The following HIP1 variants were observed in gnomAD, a reference collection of about 807,000 sequenced individuals.
HIP1 encodes the protein huntingtin-interacting protein 1.
In HIP1, 65 loss-of-function variants were observed where a neutral mutation model predicts 147.6. That is an observed-to-expected ratio of 0.44 (90% CI 0.36 to 0.54). HIP1 has a LOEUF of 0.54. Among genes scored for constraint, HIP1 ranks in the 20% least tolerant of loss-of-function variants. The probability of loss-of-function intolerance (pLI) is 0.00; values close to 1 mark genes in which losing one functional copy is unlikely to be tolerated. For synonymous variants in HIP1, 479 were observed against 504.0 expected, an observed-to-expected ratio of 0.95 and a Z score of 0.67; for missense variants, 1,061 against 1,299.6, an observed-to-expected ratio of 0.82 and a Z score of 2.82.
chr7:75,601,837 G>C (rs587610756), intron 1 of HIP1, among the ~76,000 whole-genome samples: 1 of 151,928 alleles, frequency 6.6e-6, no homozygotes, highest in Admixed American at 6.6e-5. Context: ...TAGGATATAT[G>C]TTTGGCCACA....
At chr7:75,539,571 T>TG in intron 29 of HIP1, 140 bp from the exon 30 acceptor site, 1 of 632,844 alleles carries the variant, frequency 1.6e-6, no homozygotes, top group East Asian at 2.8e-5. Context: ...CCTCCTGTCT[T>TG]GGCCTCCCAA....
chr7:75,533,715 A>G lies in HIP1; in HGVS notation c.*4457T>C, dbSNP rs782424740. On this transcript the variant is annotated 3_prime_UTR_variant, in exon 31 of 31. Coordinates refer to ENST00000336926, the MANE Select transcript of HIP1 (RefSeq NM_005338.7). ...TGGAAAAATCTACTCTCAGAATCGA[A>G]CCCAACAGCATTGAATTGTTTCCTG... 1 of 232,570 alleles carries G rather than the reference A, an allele frequency of 4.3e-6. No individual in the cohort carries two copies. Among genetic ancestry groups the G allele is most frequent in the Admixed American group, 5.6e-5 (1 of 17,750 alleles). 14.4% of individuals were successfully genotyped at this position (232,570 alleles called of 1,614,324 possible). A position where few individuals can be genotyped will look rare whatever the true frequency, so the allele number is the denominator to read the frequency against.
intron 1 of HIP1, among the ~76,000 whole-genome samples, chr7:75,697,446 T>C (rs1410872793): frequency 6.6e-6 from 1 of 152,112 alleles, no homozygotes; most frequent in East Asian, 1.9e-4. Context: ...AAATTAATAA[T>C]TTTTTAGTAA....
At chr7:75,658,439 C>T (rs369420886) in intron 1 of HIP1, among the ~76,000 whole-genome samples, 1 of 152,098 alleles carries the variant, frequency 6.6e-6, no homozygotes, top group African/African-American at 2.4e-5. Context: ...CAAATCTGCC[C>T]AGCTTCAGGA....
intron 1 of HIP1, among the ~76,000 whole-genome samples, chr7:75,650,766 T>C (rs1460492759): frequency 6.6e-6 from 1 of 152,112 alleles, no homozygotes; most frequent in African/African-American, 2.4e-5. Context: ...CCCAGAAGCA[T>C]GGACCAGGCT....
At chr7:75,662,740 A>AG (rs1554513843) in intron 1 of HIP1, among the ~76,000 whole-genome samples, 30 of 152,168 alleles carry the variant, frequency 2.0e-4, no homozygotes, top group African/African-American at 7.0e-4. Context: ...TCCTGACCTC[A>AG]AATGATCCAT....
At chr7:75,628,001 G>A (rs1251527267) in intron 1 of HIP1, among the ~76,000 whole-genome samples, 1 of 152,176 alleles carries the variant, frequency 6.6e-6, no homozygotes, top group African/African-American at 2.4e-5. Context: ...TGGCAGCCAA[G>A]GAAAATCCCC....
chr7:75,694,390 C>T (rs1418032761), intron 1 of HIP1, among the ~76,000 whole-genome samples: 5 of 152,136 alleles, frequency 3.3e-5, no homozygotes, highest in African/African-American at 1.2e-4. Context: ...AATGTTCTTG[C>T]ACAACTTCAT....
At chr7:75,618,224 T>C (rs1554506450) in intron 1 of HIP1, among the ~76,000 whole-genome samples, 1 of 151,452 alleles carries the variant, frequency 6.6e-6, no homozygotes, top group Admixed American at 6.6e-5. Context: ...CTCGGCTCAC[T>C]GCTACCTACC....
At chr7:75,673,820 C>CAAA (rs71098060) in intron 1 of HIP1, among the ~76,000 whole-genome samples, 2 of 104,352 alleles carry the variant, frequency 1.9e-5, no homozygotes, top group Non-Finnish European at 1.9e-5. Flanking sequence ...CCTATCTCTA[C>CAAA]AAAAAAAAAA....
intron 7 of HIP1, among the ~76,000 whole-genome samples, chr7:75,580,849 C>A (rs1554498449): frequency 6.6e-6 from 1 of 152,092 alleles, no homozygotes; most frequent in Non-Finnish European, 1.5e-5. Flanking sequence ...TCAAGCAATT[C>A]TCCTGCCTCA....
At chr7:75,614,939 A>T (rs1414396348) in intron 1 of HIP1, among the ~76,000 whole-genome samples, 1 of 151,762 alleles carries the variant, frequency 6.6e-6, no homozygotes, top group Non-Finnish European at 1.5e-5. Context: ...CGCCTGGCTA[A>T]TTTTTGTATT....
intron 27 of HIP1, 90 bp from the exon 28 acceptor site, chr7:75,543,064 T>C (rs1380134307): frequency 1.4e-6 from 2 of 1,391,594 alleles, no homozygotes; most frequent in Non-Finnish European, 9.7e-7. Flanking sequence ...TTAGCAAACA[T>C]ATGTGGGCCA....
intron 22 of HIP1, among the ~76,000 whole-genome samples, chr7:75,551,259 G>A (rs1554492084): frequency 1.5e-5 from 2 of 131,876 alleles, no homozygotes; most frequent in African/African-American, 5.8e-5. Flanking sequence ...GTGCAGTGGT[G>A]CAATCTCGGC....
At chr7:75,571,410 C>T (rs1554496621) in intron 8 of HIP1, among the ~76,000 whole-genome samples, 1 of 152,168 alleles carries the variant, frequency 6.6e-6, no homozygotes, top group Non-Finnish European at 1.5e-5. Context: ...GGCCTACTTG[C>T]CGCAAAGCCC....
intron 1 of HIP1, among the ~76,000 whole-genome samples, chr7:75,704,685 C>T (rs1409706892): frequency 1.3e-5 from 2 of 152,140 alleles, no homozygotes; most frequent in South Asian, 2.1e-4. Context: ...CAGGTTCAAG[C>T]GATCCTCCCG....
chr7:75,535,193 G>T lies in HIP1; in HGVS notation c.*2979C>A, dbSNP rs982978351. The stretch of plus-strand genomic sequence containing the variant: ...CCGTTATGACTCAGGCTAAGTCGAT[G>T]AAGTTTTTAAACATTTCTGTGGCTT... On this transcript the variant is annotated 3_prime_UTR_variant, in exon 31 of 31. Transcript: ENST00000336926. The T allele has an allele frequency of 2.4e-5, 5 of 211,878 alleles. No individual in the cohort carries two copies. Among genetic ancestry groups the T allele is most frequent in the Non-Finnish European group, 3.8e-5 (4 of 104,562 alleles). The allele number at this position is 211,878 out of a possible 1,614,324, so 13.1% of individuals were successfully genotyped here.
At chr7:75,577,334 A>AAAAAAAAAAC in intron 7 of HIP1, among the ~76,000 whole-genome samples, 2 of 114,688 alleles carry the variant, frequency 1.7e-5, no homozygotes, top group Non-Finnish European at 3.3e-5. Flanking sequence ...CCCATCTCCA[A>AAAAAAAAAAC]AAAAAAAAAA....
rs1356159064 is a variant in HIP1, at chr7:75,568,029, T to G, written c.803+170A>C. ...TGGGGTCTCGCTATGTTGCCCAGCC[T>G]GGTGTCAAACTCTTGGCCTCAAGTG... On this transcript the variant is annotated intron_variant, in intron 9 of 30. Transcript: ENST00000336926. The surrounding 1 kb of genome is among the most constrained non-coding windows in gnomAD (Gnocchi z 4.1). Among the ~76,000 whole-genome samples the G allele has an allele frequency of 6.6e-6, 1 of 152,070 alleles. No individual in the cohort carries two copies. The highest frequency in any genetic ancestry group is 1.9e-4 in the East Asian group (1 of 5,176).
Sources: allele counts gnomAD v4.1 joint callset (sites outside exome capture counted in the v4.1 genomes callset), GRCh38; gene constraint gnomAD v4.1.1; non-coding constraint Gnocchi (gnomAD v3.1); transcripts MANE v1.5; gene names NCBI Gene and HGNC (gene_info 2026-07-23, HGNC 2026-07-21).